PDE1A: variants seen among roughly 807,000 people sequenced by gnomAD.
The protein encoded by PDE1A is phosphodiesterase 1A.
Under a neutral mutation model 61.7 loss-of-function variants are expected in PDE1A, and 35 were observed. The observed-to-expected ratio is 0.57, with a 90% confidence interval of 0.43 to 0.75. The LOEUF (loss-of-function observed/expected upper bound fraction) is 0.75. PDE1A is among the 30% of genes least tolerant of loss of function. The probability of loss-of-function intolerance (pLI) is 0.00; values close to 1 mark genes in which losing one functional copy is unlikely to be tolerated. For synonymous variants in PDE1A, 232 were observed against 213.2 expected, an observed-to-expected ratio of 1.09 and a Z score of -0.77; for missense variants, 597 against 630.6, an observed-to-expected ratio of 0.95 and a Z score of 0.57.
At chr2:182,295,264 CGGGGTTT>C (rs1394722798) in intron 1 of PDE1A, among the ~76,000 whole-genome samples, 1 of 151,222 alleles carries the variant, frequency 6.6e-6, no homozygotes, top group Non-Finnish European at 1.5e-5. Flanking sequence ...TTAGTAGAGA[CGGGGTTT>C]CACCTTGTTA....
chr2:182,616,130 T>C, the PDE1A span, among the ~76,000 whole-genome samples: 1 of 152,212 alleles, frequency 6.6e-6, no homozygotes, highest in Non-Finnish European at 1.5e-5. Flanking sequence ...ATTAAGTTCA[T>C]TTATGGGTTA....
chr2:182,695,244 T>C, the PDE1A span, among the ~76,000 whole-genome samples: 1 of 151,990 alleles, frequency 6.6e-6, no homozygotes, highest in Non-Finnish European at 1.5e-5. Flanking sequence ...CTTAAATTCA[T>C]AAGAGAAGAG....
chr2:182,441,532 T>C (rs1458319465), intron 2 of PDE1A, among the ~76,000 whole-genome samples: 2 of 151,958 alleles, frequency 1.3e-5, no homozygotes, highest in African/African-American at 4.8e-5. Context: ...ATAAATATAA[T>C]ATATACAACC....
At chr2:182,411,798 C>G (rs1702631339) in intron 1 of PDE1A, among the ~76,000 whole-genome samples, 1 of 152,098 alleles carries the variant, frequency 6.6e-6, no homozygotes, top group African/African-American at 2.4e-5. Context: ...CCCAACAACA[C>G]GCCTGTAATC....
chr2:182,611,023 A>T, the PDE1A span, among the ~76,000 whole-genome samples: 1 of 152,184 alleles, frequency 6.6e-6, no homozygotes, highest in Non-Finnish European at 1.5e-5. Context: ...TCGTCTGAAA[A>T]TTTAAAGTTC....
chr2:182,247,561 TA>T (rs1171884258), intron 2 of PDE1A, among the ~76,000 whole-genome samples: 1 of 152,234 alleles, frequency 6.6e-6, no homozygotes, highest in Non-Finnish European at 1.5e-5. Flanking sequence ...CTTTCCCTCG[TA>T]CCCGCCTTGT....
At chr2:182,171,504 T>G (rs1692209761) in intron 13 of PDE1A, among the ~76,000 whole-genome samples, 1 of 151,756 alleles carries the variant, frequency 6.6e-6, no homozygotes, top group South Asian at 2.1e-4. Context: ...GAGAGATAGA[T>G]AGAGACCTGG....
At chr2:182,340,339 T>C (rs1337132091) in intron 1 of PDE1A, among the ~76,000 whole-genome samples, 2 of 152,192 alleles carry the variant, frequency 1.3e-5, no homozygotes, top group Non-Finnish European at 2.9e-5. Flanking sequence ...AAGACTAGTT[T>C]GCTGTCAAAA....
chr2:182,164,089 A>G (rs1025376345), downstream of PDE1A, among the ~76,000 whole-genome samples: 2 of 151,926 alleles, frequency 1.3e-5, no homozygotes, highest in Non-Finnish European at 2.9e-5. Context: ...TGAACTACCT[A>G]CCATTAACTG....
At chr2:182,627,234 A>G in the PDE1A span, among the ~76,000 whole-genome samples, 1 of 62,312 alleles carries the variant, frequency 1.6e-5, no homozygotes, top group Non-Finnish European at 2.7e-5. Flanking sequence ...TATATTATTT[A>G]TATATAAAAT....
chr2:182,640,362 A>G, the PDE1A span, among the ~76,000 whole-genome samples: 1 of 152,244 alleles, frequency 6.6e-6, no homozygotes, highest in African/African-American at 2.4e-5. Flanking sequence ...ATCAGAATGT[A>G]AATATTACAT....
At chr2:182,494,023 AATG>A (rs1688559707) in intron 2 of PDE1A, among the ~76,000 whole-genome samples, 1 of 152,236 alleles carries the variant, frequency 6.6e-6, no homozygotes, top group Non-Finnish European at 1.5e-5. Flanking sequence ...ATAAACAGAG[AATG>A]ATAATGTTCC....
the PDE1A span, among the ~76,000 whole-genome samples, chr2:182,602,566 A>G: frequency 3.9e-5 from 6 of 152,232 alleles, no homozygotes; most frequent in East Asian, 1.2e-3. Context: ...GCAAAAGCTA[A>G]CAGATGCAAA....
At chr2:182,683,548 T>C in the PDE1A span, among the ~76,000 whole-genome samples, 1 of 152,196 alleles carries the variant, frequency 6.6e-6, no homozygotes, top group Non-Finnish European at 1.5e-5. Flanking sequence ...CTAGAATTTC[T>C]ATACATCCTG....
intron 1 of PDE1A, among the ~76,000 whole-genome samples, chr2:182,285,448 G>C (rs1324291979): frequency 6.6e-6 from 1 of 152,056 alleles, no homozygotes; most frequent in East Asian, 1.9e-4. Flanking sequence ...CAGAGGGAGG[G>C]AAGGAAGTGG....
At chr2:182,303,319 G>T (rs1017360441) in intron 1 of PDE1A, among the ~76,000 whole-genome samples, 5 of 152,168 alleles carry the variant, frequency 3.3e-5, no homozygotes, top group African/African-American at 1.2e-4. Flanking sequence ...TGGACGTTTT[G>T]TTAGCAGGCA....
At chr2:182,331,542 G>A (rs563499738) in intron 1 of PDE1A, among the ~76,000 whole-genome samples, 3 of 152,152 alleles carry the variant, frequency 2.0e-5, no homozygotes, top group Non-Finnish European at 2.9e-5. Context: ...AGGCAAACCT[G>A]GTGGTGACAA....
the PDE1A span, among the ~76,000 whole-genome samples, chr2:182,553,471 C>A: frequency 7.2e-5 from 11 of 152,332 alleles, no homozygotes; most frequent in Non-Finnish European, 1.6e-4. Flanking sequence ...CTCAGGTGAT[C>A]CACCTGCCTC....
chr2:182,264,867 G>GTATACATATACA (rs1692492933), intron 1 of PDE1A, among the ~76,000 whole-genome samples: 1 of 34,142 alleles, frequency 2.9e-5, no homozygotes, highest in African/African-American at 2.0e-4. Context: ...AGAAAATGTG[G>GTATACATATACA]TATATATATA....
Sources: allele counts gnomAD v4.1 joint callset (sites outside exome capture counted in the v4.1 genomes callset), GRCh38; gene constraint gnomAD v4.1.1; transcripts MANE v1.5; gene names NCBI Gene and HGNC (gene_info 2026-07-23, HGNC 2026-07-21).